C3orf52: variants seen among roughly 807,000 people sequenced by gnomAD.
The protein encoded by C3orf52 is TPA-induced transmembrane protein.
In C3orf52, 22 loss-of-function variants were observed where a neutral mutation model predicts 24.8. That is an observed-to-expected ratio of 0.89 (90% CI 0.63 to 1.27). C3orf52 has a LOEUF of 1.27. Ranked by LOEUF, C3orf52 falls within the 50% of genes most tolerant of loss-of-function variation. C3orf52 has a pLI of 0.00. For synonymous variants in C3orf52, 93 were observed against 100.2 expected (o/e 0.93, Z 0.43); for missense variants, 265 against 260.7 (o/e 1.02, Z -0.11).
At chr3:112,109,087 AGACC>A (rs2074054177) in intron 3 of C3orf52, among the ~76,000 whole-genome samples, 1 of 152,204 alleles carries the variant, frequency 6.6e-6, no homozygotes, top group Admixed American at 6.5e-5. Flanking sequence ...GGGATGTGCT[AGACC>A]CATGGCTTAG....
downstream of C3orf52, chr3:112,132,861 C>G: frequency 4.0e-6 from 2 of 496,288 alleles, no homozygotes; most frequent in Non-Finnish European, 3.4e-6. Context: ...TTCCACCTTT[C>G]AGCTATTCTC....
intron 4 of C3orf52, among the ~76,000 whole-genome samples, chr3:112,124,361 C>T (rs1373806876): frequency 6.6e-6 from 1 of 152,168 alleles, no homozygotes; most frequent in Non-Finnish European, 1.5e-5. Context: ...GTAATCCCAG[C>T]ACTTTGGGAG....
chr3:112,131,972 A>C (rs1044748091), downstream of C3orf52, among the ~76,000 whole-genome samples: 1 of 152,174 alleles, frequency 6.6e-6, no homozygotes, highest in Admixed American at 6.5e-5. Context: ...AAATTTTTTT[A>C]AAGTTTTTTT....
At chr3:112,101,760 T>C (rs1382587812) in intron 2 of C3orf52, among the ~76,000 whole-genome samples, 1 of 152,196 alleles carries the variant, frequency 6.6e-6, no homozygotes, top group Non-Finnish European at 1.5e-5. Context: ...TTTATTCCAC[T>C]ATGGTCTTAA....
chr3:112,126,961 A>G, intron 4 of C3orf52: 2 of 1,510,906 alleles, frequency 1.3e-6, no homozygotes, highest in Non-Finnish European at 1.8e-6. Flanking sequence ...ATCAAAAGTG[A>G]AAATACTAGG....
downstream of C3orf52, chr3:112,130,587 G>T: frequency 7.5e-7 from 1 of 1,332,372 alleles, no homozygotes; most frequent in Non-Finnish European, 1.1e-6. Flanking sequence ...TAATTTTTCC[G>T]ACTTTCCTCA....
chr3:112,114,652 C>T (rs1234446250), intron 5 of C3orf52, among the ~76,000 whole-genome samples: 8 of 151,862 alleles, frequency 5.3e-5, no homozygotes, highest in African/African-American at 7.3e-5. Context: ...TGCGGTGAGC[C>T]GAGATCGCAT....
chr3:112,136,076 A>G, the C3orf52 span, among the ~76,000 whole-genome samples: 1 of 152,124 alleles, frequency 6.6e-6, no homozygotes, highest in African/African-American at 2.4e-5. Flanking sequence ...TTGACACCTG[A>G]CTCCAAATTG....
At chr3:112,094,792 T>C (rs898315431) in intron 2 of C3orf52, among the ~76,000 whole-genome samples, 2 of 152,158 alleles carry the variant, frequency 1.3e-5, no homozygotes, top group Non-Finnish European at 2.9e-5. Flanking sequence ...AAATTGTTTT[T>C]ATTTATATGT....
At chr3:112,127,862 G>A (rs1329670653) in intron 4 of C3orf52, among the ~76,000 whole-genome samples, 1 of 152,142 alleles carries the variant, frequency 6.6e-6, no homozygotes, top group African/African-American at 2.4e-5. Context: ...TCATCAAATT[G>A]GAAGGATTGC....
At chr3:112,112,893 A>G (rs770171309) in intron 4 of C3orf52, 71 bp from the exon 5 acceptor site, 4 of 1,260,424 alleles carry the variant, frequency 3.2e-6, no homozygotes, top group South Asian at 1.3e-5. Context: ...AAAAAAAGTT[A>G]TTGCTTAAAT....
intron 4 of C3orf52, chr3:112,123,320 A>C (rs2074234796): frequency 2.0e-6 from 3 of 1,472,490 alleles, no homozygotes; most frequent in Non-Finnish European, 2.7e-6. Context: ...GTGGTATACA[A>C]ACCATGCTCT....
intron 1 of C3orf52, among the ~76,000 whole-genome samples, chr3:112,089,399 A>G (rs980592326): frequency 2.0e-5 from 3 of 152,012 alleles, no homozygotes; most frequent in African/African-American, 7.3e-5. Context: ...GTGGTGGCGC[A>G]TGCCTGTAAT....
At chr3:112,110,221 T>A (rs1024602246) in intron 4 of C3orf52, among the ~76,000 whole-genome samples, 5 of 151,946 alleles carry the variant, frequency 3.3e-5, no homozygotes, top group Admixed American at 3.3e-4. Flanking sequence ...TCCCAGCTAC[T>A]CAGGAGGCTG....
At position 112,116,931 on chromosome 3, in the gene C3orf52, T is replaced by C. The variant is rs1213755134; in HGVS notation, c.*285T>C. On this transcript the variant is annotated 3_prime_UTR_variant, in exon 6 of 6. Transcript: ENST00000264848. ...GGTATGTCCCACTGTTGGAGGTCAC[T>C]GGTATTCTGTTTGTTTTTGTTTTGT... 2.6e-6 allele frequency: 4 copies of C among 1,533,984 alleles called. No individual in the cohort carries two copies. Among genetic ancestry groups the C allele is most frequent in the East Asian group, 4.9e-5 (2 of 40,854 alleles).
At chr3:112,123,505 G>A (rs1315465152) in intron 4 of C3orf52, 3 of 1,614,088 alleles carry the variant, frequency 1.9e-6, no homozygotes, top group Non-Finnish European at 2.5e-6. Flanking sequence ...GGACGTGGCT[G>A]TTGCAGAAAG....
At chr3:112,106,099 A>G (rs866432035) in intron 3 of C3orf52, among the ~76,000 whole-genome samples, 1 of 152,282 alleles carries the variant, frequency 6.6e-6, no homozygotes, top group East Asian at 1.9e-4. Context: ...TCTCCCTTGT[A>G]AATGTGTTCA....
chr3:112,099,529 C>T (rs1240748865), intron 2 of C3orf52, among the ~76,000 whole-genome samples: 1 of 152,102 alleles, frequency 6.6e-6, no homozygotes, highest in African/African-American at 2.4e-5. Context: ...ATAAATATAC[C>T]TTGACCCTAA....
At chr3:112,124,491 C>T (rs2074266149) in intron 4 of C3orf52, among the ~76,000 whole-genome samples, 1 of 152,114 alleles carries the variant, frequency 6.6e-6, no homozygotes. Context: ...CACCTGCAAT[C>T]CCAGCTACTG....
Sources: allele counts gnomAD v4.1 joint callset (sites outside exome capture counted in the v4.1 genomes callset), GRCh38; gene constraint gnomAD v4.1.1; transcripts MANE v1.5; gene names NCBI Gene and HGNC (gene_info 2026-07-23, HGNC 2026-07-21).